Variants in RTP2 observed in about 807,000 individuals in gnomAD.
RTP2 encodes receptor transporter protein 2.
A neutral mutation model predicts 17.9 loss-of-function variants in RTP2; 12 were observed. The ratio of observed to expected loss-of-function variants is 0.67; its 90% CI spans 0.43 to 1.09. The LOEUF (loss-of-function observed/expected upper bound fraction) is 1.09. Ranked by LOEUF, RTP2 falls within the 50% of genes least tolerant of loss-of-function variation. RTP2 has a pLI of 0.00. For missense variants in RTP2, 327 were observed against 295.7 expected, an observed-to-expected ratio of 1.11 and a Z score of -0.78; for synonymous variants, 126 against 117.7, an observed-to-expected ratio of 1.07 and a Z score of -0.46.
chr3:187,711,273 T>C, the RTP2 span, among the ~76,000 whole-genome samples: 1 of 152,190 alleles, frequency 6.6e-6, no homozygotes, highest in Non-Finnish European at 1.5e-5. Flanking sequence ...GACTGAAACA[T>C]GGTCCCTGCC....
the RTP2 span, among the ~76,000 whole-genome samples, chr3:187,708,921 A>G: frequency 1.3e-5 from 2 of 150,410 alleles, no homozygotes; most frequent in African/African-American, 4.9e-5. Context: ...CTTACTGACT[A>G]TGCATATTTG....
At chr3:187,700,465 G>A (rs1025437425) in intron 1 of RTP2, among the ~76,000 whole-genome samples, 10 of 152,238 alleles carry the variant, frequency 6.6e-5, no homozygotes, top group African/African-American at 2.4e-4. Context: ...AGGAGTAAGA[G>A]GAGCTGACCT....
upstream of RTP2, chr3:187,702,665 C>G: frequency 2.3e-6 from 1 of 443,808 alleles, no homozygotes; most frequent in South Asian, 1.6e-5. Context: ...ACCGCTTGAC[C>G]TGTGTGCTGG....
Position 187,702,360 on chromosome 3 carries a change from G to T in RTP2, c.-232C>A, listed in dbSNP as rs2293245. On this transcript the variant is annotated 5_prime_UTR_variant, in exon 1 of 2. In the 5' UTR this introduces an upstream ATG that the reference lacks. Transcript: ENST00000358241. ...AGGGAAGCCCCAAGGGGGAGTTTCA[G>T]GGCCCTGAGTTAGGCTTCAGAGGCA... The T allele has an allele frequency of 3.3e-4, 184 of 562,412 alleles. No individual in the cohort carries two copies. In the East Asian group the frequency reaches 5.5e-3, roughly 17 times the overall value. 34.8% of individuals were successfully genotyped at this position (562,412 alleles called of 1,614,324 possible).
chr3:187,709,881 G>T, the RTP2 span, among the ~76,000 whole-genome samples: 1 of 152,104 alleles, frequency 6.6e-6, no homozygotes, highest in South Asian at 2.1e-4. Flanking sequence ...ACGATTTCTG[G>T]ATGTGTCTGT....
chr3:187,709,886 G>A, the RTP2 span, among the ~76,000 whole-genome samples: 2 of 151,986 alleles, frequency 1.3e-5, no homozygotes, highest in African/African-American at 2.4e-5. Flanking sequence ...TTCTGGATGT[G>A]TCTGTGAGAG....
chr3:187,702,163 C>A, exon 1 of RTP2: 1 of 1,570,122 alleles, frequency 6.4e-7, no homozygotes, highest in Admixed American at 1.8e-5. Flanking sequence ...TCGAGCTCAG[C>A]CCTGGTGAGA....
At chr3:187,702,006 G>C (rs780786720) in exon 1 of RTP2, 11 of 1,611,668 alleles carry the variant, frequency 6.8e-6, no homozygotes, top group Non-Finnish European at 8.5e-7. Flanking sequence ...TCCAGCCAGG[G>C]GCCAGCTCAC....
chr3:187,715,003 C>T, the RTP2 span, among the ~76,000 whole-genome samples: 1 of 151,978 alleles, frequency 6.6e-6, no homozygotes, highest in African/African-American at 2.4e-5. Flanking sequence ...CAAAGAAAGA[C>T]ACAACTTGGT....
upstream of RTP2, among the ~76,000 whole-genome samples, chr3:187,703,269 C>T (rs943400775): frequency 6.6e-5 from 10 of 152,184 alleles, no homozygotes; most frequent in African/African-American, 1.9e-4. Flanking sequence ...TCCCTAGACA[C>T]GCAGAGTTCC....
intron 1 of RTP2, 86 bp from the exon 2 acceptor site, chr3:187,699,097 G>A: frequency 7.0e-7 from 1 of 1,431,070 alleles, no homozygotes; most frequent in Non-Finnish European, 9.3e-7. Flanking sequence ...AAAAAAGCCT[G>A]TGTGCCCGTG....
upstream of RTP2, among the ~76,000 whole-genome samples, chr3:187,703,853 C>A (rs7619415): frequency 3.3e-5 from 5 of 151,006 alleles, no homozygotes; most frequent in Non-Finnish European, 3.0e-5. Context: ...CCTGTATTTT[C>A]TTTTTTCCTC....
At chr3:187,701,709 T>C (rs1291824903) in intron 1 of RTP2, among the ~76,000 whole-genome samples, 1 of 152,164 alleles carries the variant, frequency 6.6e-6, no homozygotes, top group African/African-American at 2.4e-5. Context: ...ATAGATGATA[T>C]TACAGCTCTT....
chr3:187,699,642 CCCCAGTCTCTTGACAAGTCTTCTCTAGAT>C (rs1717790535), intron 1 of RTP2, among the ~76,000 whole-genome samples: 1 of 151,952 alleles, frequency 6.6e-6, no homozygotes, highest in Admixed American at 6.6e-5. Flanking sequence ...AAAGAACACT[CCCCAGTCTCTTGACAAGTCTTCTCTAGAT>C]CCCACTCTAG....
upstream of RTP2, among the ~76,000 whole-genome samples, chr3:187,703,317 A>G (rs1717902319): frequency 6.6e-6 from 1 of 152,196 alleles, no homozygotes; most frequent in Non-Finnish European, 1.5e-5. Flanking sequence ...CAGGTTGCTA[A>G]GAACCGGAAG....
At chr3:187,705,314 T>C (rs905419288), upstream of RTP2, among the ~76,000 whole-genome samples, 5 of 152,180 alleles carry the variant, frequency 3.3e-5, no homozygotes, top group African/African-American at 7.2e-5. Flanking sequence ...GAGAACCTGC[T>C]AGTTTCTGTT....
chr3:187,713,767 A>T, the RTP2 span, among the ~76,000 whole-genome samples: 1 of 152,144 alleles, frequency 6.6e-6, no homozygotes, highest in Non-Finnish European at 1.5e-5. Context: ...TTTGCAAGGC[A>T]GAAAAGCAGG....
At position 187,700,246 on chromosome 3, in the gene RTP2, C is replaced by G. The variant is rs148078461; in HGVS notation, c.165-1235G>C. 2.6e-3 allele frequency among the ~76,000 whole-genome samples: 402 copies of G among 152,346 alleles called. 2 individuals are homozygous for G. The highest frequency in any genetic ancestry group is 9.0e-3 in the African/African-American group (373 of 41,578). ...AAAGCCTGATCACATGAGCATAGAA[C>G]AGTACCCAGAATGGCCCAAGGTGGG... On this transcript the variant is annotated intron_variant, in intron 1 of 1. Coordinates refer to ENST00000358241, the Ensembl canonical transcript of RTP2.
At chr3:187,701,165 G>T (rs1036288282) in intron 1 of RTP2, among the ~76,000 whole-genome samples, 1 of 152,162 alleles carries the variant, frequency 6.6e-6, no homozygotes, top group African/African-American at 2.4e-5. Flanking sequence ...AGGTAGTCTG[G>T]GGAGGAATTT....
Sources: allele counts gnomAD v4.1 joint callset (sites outside exome capture counted in the v4.1 genomes callset), GRCh38; gene constraint gnomAD v4.1.1; transcripts MANE v1.5; gene names NCBI Gene and HGNC (gene_info 2026-07-23, HGNC 2026-07-21).